Variants in MICAL2 observed in about 807,000 individuals in gnomAD.
MICAL2 encodes microtubule associated monooxygenase, calponin and LIM domain containing 2, also known as [F-actin]-monooxygenase MICAL2.
Under a neutral mutation model 127.3 loss-of-function variants are expected in MICAL2, and 77 were observed. The ratio of observed to expected loss-of-function variants is 0.60; its 90% CI spans 0.50 to 0.73. The LOEUF is 0.73. MICAL2 is among the 30% of genes least tolerant of loss of function. MICAL2 has a pLI of 0.00. For missense variants in MICAL2, 1,351 were observed against 1,434.4 expected (o/e 0.94, Z 0.94); for synonymous variants, 570 against 551.1 (o/e 1.03, Z -0.48).
intron 1 of MICAL2, among the ~76,000 whole-genome samples, chr11:12,115,558 A>G (rs887280187): frequency 6.6e-6 from 1 of 152,030 alleles, no homozygotes; most frequent in African/African-American, 2.4e-5. Flanking sequence ...AGCTCAAGCA[A>G]CTCATCTGCC....
At chr11:12,349,490 T>C (rs1190959260) in intron 32 of MICAL2, among the ~76,000 whole-genome samples, 2 of 152,096 alleles carry the variant, frequency 1.3e-5, no homozygotes, top group Non-Finnish European at 2.9e-5. Flanking sequence ...GGGTTGTCCT[T>C]GGTGAAGGAT....
chr11:12,347,487 T>A (rs1938973986), intron 32 of MICAL2, among the ~76,000 whole-genome samples: 1 of 152,170 alleles, frequency 6.6e-6, no homozygotes, highest in Non-Finnish European at 1.5e-5. Context: ...GATAGATAGA[T>A]GTTATTAAGT....
In MICAL2 at chr11:12,150,650, TA is replaced by T. The variant is rs200776377; in HGVS notation, c.-77-11428del. ...TGATGCCTCTTCCCCAGCATCCCTC[TA>T]TATCCTCCAGACTAATTACTGTACT... On this transcript the variant is annotated intron_variant, in intron 2 of 27. Transcript: ENST00000683283. 5.2e-3 allele frequency among the ~76,000 whole-genome samples: 793 copies of T among 152,242 alleles called. 9 individuals are homozygous for T. The highest frequency in any genetic ancestry group is 0.017 in the African/African-American group (702 of 41,522).
intron 3 of MICAL2, among the ~76,000 whole-genome samples, chr11:12,180,349 A>ATATATATATATATATATATATAT (rs11403732): frequency 2.5e-4 from 35 of 139,700 alleles, no homozygotes; most frequent in South Asian, 4.7e-4. Flanking sequence ...ATATGTATAT[A>ATATATATATATATATATATATAT]TTTTTTTTTT....
chr11:12,234,345 C>A (rs369217287), intron 15 of MICAL2, among the ~76,000 whole-genome samples: 60 of 151,874 alleles, frequency 4.0e-4, no homozygotes, highest in African/African-American at 1.4e-3. Context: ...ATGCATGAAG[C>A]ATTCTTGTTG....
At chr11:12,192,291 C>T (rs1325262361) in intron 3 of MICAL2, among the ~76,000 whole-genome samples, 2 of 152,222 alleles carry the variant, frequency 1.3e-5, no homozygotes, top group East Asian at 1.9e-4. Context: ...TCAGCAGCCT[C>T]CTGGGCACCC....
At chr11:12,349,931 T>C (rs369284083) in exon 33 of MICAL2, 2 of 1,613,204 alleles carry the variant, frequency 1.2e-6, no homozygotes, top group Non-Finnish European at 1.7e-6. Context: ...TCGGAGCTCC[T>C]AATCATGTAA....
intron 21 of MICAL2, among the ~76,000 whole-genome samples, chr11:12,248,342 A>G (rs1268356541): frequency 6.6e-6 from 1 of 152,098 alleles, no homozygotes; most frequent in Non-Finnish European, 1.5e-5. Flanking sequence ...CCCCAGAACC[A>G]TTTCCTCATC....
downstream of MICAL2, among the ~76,000 whole-genome samples, chr11:12,288,741 G>A (rs924686292): frequency 3.0e-4 from 46 of 152,178 alleles, no homozygotes; most frequent in Non-Finnish European, 5.4e-4. Context: ...ACAAAGGGAG[G>A]ACATGGATTC....
At chr11:12,265,199 G>A (rs1462752548), downstream of MICAL2, among the ~76,000 whole-genome samples, 1 of 152,194 alleles carries the variant, frequency 6.6e-6, no homozygotes, top group Non-Finnish European at 1.5e-5. Context: ...TCAAGTCTCT[G>A]AGGCATCCTT....
intron 1 of MICAL2, among the ~76,000 whole-genome samples, chr11:12,126,572 C>T (rs1261133452): frequency 6.6e-6 from 1 of 152,066 alleles, no homozygotes; most frequent in Non-Finnish European, 1.5e-5. Context: ...TTACCCTGGG[C>T]AATTAAGAAG....
At chr11:12,319,738 C>A in exon 30 of MICAL2, 1 of 1,614,058 alleles carries the variant, frequency 6.2e-7, no homozygotes, top group African/African-American at 1.3e-5. Context: ...ACAGAGGCTT[C>A]CTCTTCTGCC....
At chr11:12,201,339 G>A (rs1853956191) in intron 3 of MICAL2, among the ~76,000 whole-genome samples, 1 of 151,980 alleles carries the variant, frequency 6.6e-6, no homozygotes, top group African/African-American at 2.4e-5. Context: ...GTCCCTTTGG[G>A]ACCCTGCAGG....
At chr11:12,234,087 C>T (rs1290819499) in intron 15 of MICAL2, among the ~76,000 whole-genome samples, 1 of 152,148 alleles carries the variant, frequency 6.6e-6, no homozygotes, top group Non-Finnish European at 1.5e-5. Context: ...CGTCCATGTC[C>T]TTTATTCCCC....
At chr11:12,271,423 G>T (rs545118622), upstream of MICAL2, among the ~76,000 whole-genome samples, 28 of 152,284 alleles carry the variant, frequency 1.8e-4, no homozygotes, top group African/African-American at 6.5e-4. Flanking sequence ...TTCACCTGGG[G>T]CTGGCCACAT....
chr11:12,265,905 C>T (rs1863606549), downstream of MICAL2, among the ~76,000 whole-genome samples: 1 of 152,064 alleles, frequency 6.6e-6, no homozygotes, highest in South Asian at 2.1e-4. Context: ...CACTTGAGGT[C>T]AGGAGTTCGT....
chr11:12,130,004 C>G (rs112488844), intron 1 of MICAL2, among the ~76,000 whole-genome samples: 1 of 152,208 alleles, frequency 6.6e-6, no homozygotes, highest in Non-Finnish European at 1.5e-5. Context: ...TGAGCCACTG[C>G]GCCCAGGCTA....
intron 3 of MICAL2, among the ~76,000 whole-genome samples, chr11:12,165,138 C>CAA (rs1207353830): frequency 0.053 from 3,909 of 73,178 alleles, 95 homozygotes; most frequent in African/African-American, 0.075. Flanking sequence ...GACTCCATCT[C>CAA]AAAAAAAAAA....
chr11:12,255,693 G>C lies in MICAL2; in HGVS notation c.2898G>C (p.Leu966=), dbSNP rs761165992. Residue 966 remains leucine (L), a synonymous_variant, in exon 23 of 28, where the codon CTG becomes CTC. Transcript: ENST00000683283. ...GAATAGGGGCTGCAGCTGAAGTCCT[G>C]GTCAATCTGTACATGAATGATCACA... is the stretch of plus-strand genomic sequence containing the variant. The part of the protein sequence containing the change: ...SSGIGAAAEV[L]VNLYMNDHRP... 1 of 1,614,094 alleles carries C rather than the reference G, an allele frequency of 6.2e-7. No individual in the cohort carries two copies. The highest frequency in any genetic ancestry group is 1.7e-5 in the Admixed American group (1 of 60,018).
Sources: allele counts gnomAD v4.1 joint callset (sites outside exome capture counted in the v4.1 genomes callset), GRCh38; gene constraint gnomAD v4.1.1; transcripts MANE v1.5; gene names NCBI Gene and HGNC (gene_info 2026-07-23, HGNC 2026-07-21).